The following ATXN1 variants were observed in gnomAD, a reference collection of about 807,000 sequenced individuals.
The protein encoded by ATXN1 is ataxin-1.
Under a neutral mutation model 56.4 loss-of-function variants are expected in ATXN1, and 8 were observed. The ratio of observed to expected loss-of-function variants is 0.14; its 90% confidence interval spans 0.08 to 0.26. The LOEUF is 0.26. Among genes scored for constraint, ATXN1 ranks in the 10% least tolerant of loss-of-function variants. The probability of loss-of-function intolerance (pLI) is 1.00; values close to 1 mark genes in which losing one functional copy is unlikely to be tolerated. For missense variants in ATXN1, 987 were observed against 1,106.5 expected, an observed-to-expected ratio of 0.89 and a Z score of 1.53; for synonymous variants, 514 against 494.6, an observed-to-expected ratio of 1.04 and a Z score of -0.52.
chr6:16,712,341 C>T (rs971172780), intron 2 of ATXN1, among the ~76,000 whole-genome samples: 3 of 152,000 alleles, frequency 2.0e-5, no homozygotes, highest in African/African-American at 4.8e-5. Context: ...ACCCCTATTC[C>T]GTACAAAGGA....
intron 4 of ATXN1, among the ~76,000 whole-genome samples, chr6:16,557,315 A>G (rs1197084780): frequency 1.4e-4 from 19 of 138,480 alleles, no homozygotes; most frequent in Non-Finnish European, 2.3e-4. Context: ...AAACAGAGTG[A>G]AACCCCATTT....
intron 2 of ATXN1, among the ~76,000 whole-genome samples, chr6:16,689,265 T>A (rs888303123): frequency 1.5e-4 from 23 of 151,722 alleles, no homozygotes; most frequent in Non-Finnish European, 3.1e-4. Context: ...TGGGAAGGAG[T>A]GGGAAAGAAG....
chr6:16,423,340 T>C (rs1759074824), intron 6 of ATXN1, among the ~76,000 whole-genome samples: 1 of 152,204 alleles, frequency 6.6e-6, no homozygotes, highest in African/African-American at 2.4e-5. Context: ...ATCTCCTACA[T>C]AATTGAGATG....
chr6:16,581,195 CTGTGTGTG>C (rs60028007), intron 4 of ATXN1, among the ~76,000 whole-genome samples: 34 of 140,256 alleles, frequency 2.4e-4, no homozygotes, highest in African/African-American at 7.7e-4. Context: ...CGAGAATGCA[CTGTGTGTG>C]TGTGTGTGTG....
At chr6:16,424,029 T>C (rs1759091043) in intron 6 of ATXN1, among the ~76,000 whole-genome samples, 1 of 152,196 alleles carries the variant, frequency 6.6e-6, no homozygotes, top group Non-Finnish European at 1.5e-5. Context: ...GGAGCACTTT[T>C]ACATCCTTCG....
At chr6:16,468,902 A>G (rs1216215532) in intron 6 of ATXN1, among the ~76,000 whole-genome samples, 2 of 152,184 alleles carry the variant, frequency 1.3e-5, no homozygotes, top group African/African-American at 2.4e-5. Context: ...GAAGCAGAAA[A>G]AAAAAAAAGG....
intron 7 of ATXN1, among the ~76,000 whole-genome samples, chr6:16,323,377 G>A (rs148879593): frequency 2.1e-4 from 32 of 152,028 alleles, no homozygotes; most frequent in African/African-American, 7.7e-4. Flanking sequence ...AAATTAGCAG[G>A]GGGTGATGGC....
At chr6:16,421,342 G>GAA (rs5874553) in intron 6 of ATXN1, among the ~76,000 whole-genome samples, 15 of 148,432 alleles carry the variant, frequency 1.0e-4, no homozygotes, top group African/African-American at 2.7e-4. Flanking sequence ...AAGGACACAG[G>GAA]AAAAAAAAAA....
intron 4 of ATXN1, among the ~76,000 whole-genome samples, chr6:16,556,738 T>TTATTTAACA (rs1300172607): frequency 6.6e-6 from 1 of 152,216 alleles, no homozygotes; most frequent in Non-Finnish European, 1.5e-5. Context: ...ATCATCTCTG[T>TTATTTAACA]TATTTAACAC....
chr6:16,397,761 A>T (rs1758485582), intron 6 of ATXN1, among the ~76,000 whole-genome samples: 1 of 152,220 alleles, frequency 6.6e-6, no homozygotes, highest in Admixed American at 6.5e-5. Flanking sequence ...CTGCTACTGA[A>T]ATCAGTCTGA....
chr6:16,416,663 G>T (rs191495750), intron 6 of ATXN1, among the ~76,000 whole-genome samples: 2 of 152,140 alleles, frequency 1.3e-5, no homozygotes, highest in East Asian at 3.9e-4. Context: ...CATCTTGCTC[G>T]TACACCCTAA....
At chr6:16,429,496 C>T (rs1490304644) in intron 6 of ATXN1, among the ~76,000 whole-genome samples, 3 of 144,672 alleles carry the variant, frequency 2.1e-5, no homozygotes, top group Non-Finnish European at 4.5e-5. Flanking sequence ...CAGCTGACTG[C>T]AACCTCCGCC....
intron 5 of ATXN1, among the ~76,000 whole-genome samples, chr6:16,496,354 C>A (rs1581801554): frequency 6.6e-6 from 1 of 152,158 alleles, no homozygotes; most frequent in East Asian, 1.9e-4. Context: ...GACAGGTATA[C>A]TTTGATGTGG....
intron 3 of ATXN1, among the ~76,000 whole-genome samples, chr6:16,635,396 G>A (rs146451059): frequency 1.7e-4 from 26 of 152,106 alleles, no homozygotes; most frequent in African/African-American, 5.3e-4. Context: ...ACCATCCCCC[G>A]CTCCACCCTA....
intron 6 of ATXN1, among the ~76,000 whole-genome samples, chr6:16,472,123 A>G (rs1483120709): frequency 1.3e-5 from 2 of 152,198 alleles, no homozygotes; most frequent in Admixed American, 1.3e-4. Flanking sequence ...GAACCTGACA[A>G]AACTCAGTGA....
chr6:16,690,078 A>C (rs1163713455), intron 2 of ATXN1, among the ~76,000 whole-genome samples: 1 of 151,980 alleles, frequency 6.6e-6, no homozygotes, highest in Non-Finnish European at 1.5e-5. Flanking sequence ...GTTTTTTTTA[A>C]TTTTAATTTT....
At chr6:16,539,370 T>A (rs1758255781) in intron 4 of ATXN1, among the ~76,000 whole-genome samples, 1 of 152,182 alleles carries the variant, frequency 6.6e-6, no homozygotes, top group Non-Finnish European at 1.5e-5. Flanking sequence ...CTCAGAGGCC[T>A]ATGTATTTTG....
At chr6:16,682,409 C>A (rs1758833382) in intron 2 of ATXN1, among the ~76,000 whole-genome samples, 2 of 151,962 alleles carry the variant, frequency 1.3e-5, no homozygotes, top group Admixed American at 1.3e-4. Context: ...GATGGCCAGG[C>A]TTGTCTCGAA....
Position 16,526,417 on chromosome 6 carries a change from T to C in ATXN1, c.-360-3729A>G, listed in dbSNP as rs148075273. On this transcript the variant is annotated intron_variant, in intron 4 of 7. Coordinates refer to ENST00000436367, the MANE Select transcript of ATXN1 (RefSeq NM_001128164.2). ...TGTTTTGGTTTGAGTGGGTGTAGCATAGAAGAACACAAACTAACACATATA... is the reference window on the plus strand; with the variant it reads ...TGTTTTGGTTTGAGTGGGTGTAGCACAGAAGAACACAAACTAACACATATA... Among the ~76,000 whole-genome samples, 470 of 152,300 alleles carry C rather than the reference T, an allele frequency of 3.1e-3. 1 individual carries two copies. Among genetic ancestry groups the C allele is most frequent in the African/African-American group, 0.011 (457 of 41,554 alleles).
Sources: gnomAD v4.1 joint callset for allele counts (sites outside exome capture counted in the v4.1 genomes callset) on GRCh38, gnomAD v4.1.1 for gene constraint, MANE v1.5 for transcripts, NCBI Gene and HGNC (gene_info 2026-07-23, HGNC 2026-07-21) for gene names.